Variants in SPMAP1 observed in about 807,000 individuals in gnomAD.
SPMAP1 encodes sperm microtubule associated protein 1.
chr17:38,840,167 C>A, the SPMAP1 span, among the ~76,000 whole-genome samples: 1 of 152,098 alleles, frequency 6.6e-6, no homozygotes, highest in Non-Finnish European at 1.5e-5. Flanking sequence ...GGTGTCCCTC[C>A]CATCAGACCA....
At chr17:38,840,286 A>T in the SPMAP1 span, among the ~76,000 whole-genome samples, 1 of 152,124 alleles carries the variant, frequency 6.6e-6, no homozygotes, top group Non-Finnish European at 1.5e-5. Context: ...CTGAGGTCAC[A>T]CGGATTTTTG....
At chr17:38,835,984 G>A in the SPMAP1 span, among the ~76,000 whole-genome samples, 10 of 151,978 alleles carry the variant, frequency 6.6e-5, no homozygotes, top group Non-Finnish European at 1.5e-4. Flanking sequence ...GCGCAATCTC[G>A]GATCACTGCA....
the SPMAP1 span, chr17:38,841,171 A>G: frequency 6.3e-7 from 1 of 1,598,102 alleles, no homozygotes; most frequent in African/African-American, 1.3e-5. Flanking sequence ...GTCTTCCGGG[A>G]AGCTCCTATA....
chr17:38,841,130 G>A, the SPMAP1 span: 3 of 1,417,488 alleles, frequency 2.1e-6, no homozygotes, highest in Non-Finnish European at 9.9e-7. Flanking sequence ...TGGTGAGAAC[G>A]CTGGAGTGAA....
At chr17:38,838,404 A>G in the SPMAP1 span, among the ~76,000 whole-genome samples, 2 of 151,968 alleles carry the variant, frequency 1.3e-5, no homozygotes, top group African/African-American at 2.4e-5. Context: ...GTTGGAGACT[A>G]GCCTGGCCAA....
chr17:38,839,320 G>A, the SPMAP1 span, among the ~76,000 whole-genome samples: 1 of 151,088 alleles, frequency 6.6e-6, no homozygotes, highest in African/African-American at 2.4e-5. Context: ...GACCAGCCTG[G>A]GCAACATGGT....
At chr17:38,836,581 CTTTCTTTTTTTTTT>C in the SPMAP1 span, among the ~76,000 whole-genome samples, 2 of 97,400 alleles carry the variant, frequency 2.1e-5, no homozygotes, top group Non-Finnish European at 4.2e-5. Flanking sequence ...TTCTTTCTTT[CTTTCTTTTTTTTTT>C]TTTTTTTTTT....
the SPMAP1 span, chr17:38,835,304 G>C: frequency 6.2e-7 from 1 of 1,614,192 alleles, no homozygotes; most frequent in Non-Finnish European, 8.5e-7. Context: ...TTTCAGATCA[G>C]CATTGTAGTG....
At chr17:38,835,591 G>C in the SPMAP1 span, among the ~76,000 whole-genome samples, 2 of 152,236 alleles carry the variant, frequency 1.3e-5, no homozygotes, top group Non-Finnish European at 2.9e-5. Flanking sequence ...ACTGTGAATG[G>C]TTTGTGCTGG....
the SPMAP1 span, among the ~76,000 whole-genome samples, chr17:38,836,775 T>A: frequency 6.6e-6 from 1 of 151,762 alleles, no homozygotes; most frequent in Non-Finnish European, 1.5e-5. Flanking sequence ...TTTGTATTTT[T>A]AGTAGAGACA....
At chr17:38,841,224 G>A in the SPMAP1 span, 1 of 1,614,182 alleles carries the variant, frequency 6.2e-7, no homozygotes, top group Admixed American at 1.7e-5. Context: ...ACGTGACTCT[G>A]GAAGTAGCTG....
the SPMAP1 span, among the ~76,000 whole-genome samples, chr17:38,836,984 G>C: frequency 6.6e-6 from 1 of 151,986 alleles, no homozygotes; most frequent in Admixed American, 6.6e-5. Flanking sequence ...ATACAGTACT[G>C]GTGCTTATTA....
chr17:38,837,184 C>A, the SPMAP1 span: 1 of 1,613,858 alleles, frequency 6.2e-7, no homozygotes, highest in Non-Finnish European at 8.5e-7. Context: ...TTTGTCCTTG[C>A]CCGAAGATGT....
the SPMAP1 span, chr17:38,841,206 G>C: frequency 6.2e-7 from 1 of 1,614,108 alleles, no homozygotes; most frequent in South Asian, 1.1e-5. Flanking sequence ...CGCAAAAGGG[G>C]CGGAACCACG....
At chr17:38,838,034 G>A in the SPMAP1 span, among the ~76,000 whole-genome samples, 11 of 151,966 alleles carry the variant, frequency 7.2e-5, no homozygotes, top group African/African-American at 2.2e-4. Flanking sequence ...ACAGGCACGC[G>A]CCACCATGCC....
chr17:38,839,640 C>CA, the SPMAP1 span, among the ~76,000 whole-genome samples: 2 of 151,522 alleles, frequency 1.3e-5, no homozygotes, highest in African/African-American at 4.9e-5. Flanking sequence ...TGTAAAAATA[C>CA]AAAAAATTAG....
chr17:38,841,310 C>G, the SPMAP1 span: 2 of 1,614,188 alleles, frequency 1.2e-6, no homozygotes, highest in Non-Finnish European at 1.7e-6. Flanking sequence ...CCCATAAGCG[C>G]GGGCAGCGGT....
At chr17:38,837,311 T>C in the SPMAP1 span, 1 of 1,003,670 alleles carries the variant, frequency 1.0e-6, no homozygotes, top group East Asian at 2.4e-5. Context: ...CAGTGCAAAC[T>C]GCCCTGGGGT....
At chr17:38,838,913 C>T in the SPMAP1 span, among the ~76,000 whole-genome samples, 26 of 150,908 alleles carry the variant, frequency 1.7e-4, no homozygotes, top group African/African-American at 6.3e-4. Context: ...AGTGAAACCC[C>T]GTCTCTACTA....
Sources: gnomAD v4.1 joint callset for allele counts (sites outside exome capture counted in the v4.1 genomes callset) on GRCh38, gnomAD v4.1.1 for gene constraint, MANE v1.5 for transcripts, NCBI Gene and HGNC (gene_info 2026-07-23, HGNC 2026-07-21) for gene names.